PNISR: variants seen among roughly 807,000 people sequenced by gnomAD.
PNISR encodes arginine/serine-rich protein PNISR.
PNISR carries 20 observed loss-of-function variants against 93.4 expected under a neutral mutation model. The observed-to-expected ratio is 0.21, with a 90% CI of 0.15 to 0.31. PNISR has a LOEUF of 0.31. PNISR is among the 10% of genes least tolerant of loss of function. The probability of loss-of-function intolerance (pLI) is 1.00; values close to 1 mark genes in which losing one functional copy is unlikely to be tolerated. For missense variants in PNISR, 893 were observed against 985.4 expected (o/e 0.91, Z 1.25); for synonymous variants, 305 against 306.5 (o/e 0.99, Z 0.05).
chr6:99,421,265 C>G (rs1450937877), intron 1 of PNISR, among the ~76,000 whole-genome samples: 1 of 152,116 alleles, frequency 6.6e-6, no homozygotes, highest in Non-Finnish European at 1.5e-5. Context: ...AGGTTTGTAT[C>G]AGATCATCAA....
chr6:99,422,893 A>AAAAC (rs1554220009), intron 1 of PNISR, among the ~76,000 whole-genome samples: 2 of 145,226 alleles, frequency 1.4e-5, no homozygotes, highest in Non-Finnish European at 3.1e-5. Context: ...AAAAAAAAAA[A>AAAAC]AAAAAACTGG....
chr6:99,409,380 T>C (rs1156526621), intron 5 of PNISR, 36 bp from the exon 6 acceptor site: 4 of 1,583,294 alleles, frequency 2.5e-6, no homozygotes, highest in Non-Finnish European at 3.5e-6. Context: ...TTCTTCAAAT[T>C]AATACAATAT....
At chr6:99,420,204 A>G (rs1205128453) in intron 1 of PNISR, among the ~76,000 whole-genome samples, 2 of 152,162 alleles carry the variant, frequency 1.3e-5, no homozygotes, top group African/African-American at 4.8e-5. Flanking sequence ...CTTAAAAAGA[A>G]AAGGCCTCAA....
At chr6:99,421,761 A>G (rs1455141096) in intron 1 of PNISR, among the ~76,000 whole-genome samples, 3 of 152,210 alleles carry the variant, frequency 2.0e-5, no homozygotes, top group African/African-American at 7.2e-5. Context: ...TATCCCTAGA[A>G]AACTAATACA....
intron 9 of PNISR, 80 bp downstream of exon 9, chr6:99,404,523 A>C (rs1582773896): frequency 1.3e-6 from 1 of 778,366 alleles, no homozygotes; most frequent in East Asian, 2.5e-5. Flanking sequence ...AAATCCAACA[A>C]GGACAACAAA....
rs572142301 is a variant in PNISR at position 99,422,291 on chromosome 6, A to G, written c.-112+2924T>C. 2.6e-5 allele frequency among the ~76,000 whole-genome samples: 4 copies of G among 152,372 alleles called. No individual in the cohort carries two copies. The East Asian group carries it at 7.7e-4, about 29-fold the overall frequency. ...CAAAATCAAAGAGCTACAGAAACAC[A>G]TCTATCATTTGATGCATAGGATGAA... On this transcript the variant is annotated intron_variant, in intron 1 of 11. Coordinates refer to ENST00000369239, the MANE Select transcript of PNISR (RefSeq NM_032870.4).
chr6:99,402,795 T>C, intron 10 of PNISR, 85 bp from the exon 11 acceptor site: 1 of 1,029,294 alleles, frequency 9.7e-7, no homozygotes, highest in Non-Finnish European at 1.4e-6. Context: ...GAAAGTTCAT[T>C]TCTTTTTTCA....
In PNISR at chr6:99,400,963, C is replaced by T. The variant is rs1471287087; in HGVS notation, c.1995G>A (p.Arg665=). ...CTATACTTCGACTCCTCTCCTTTTTCCTCTCTTGTTCTTTAGCCTCACCTT... is the reference window on the plus strand; with the variant it reads ...CTATACTTCGACTCCTCTCCTTTTTTCTCTCTTGTTCTTTAGCCTCACCTT... ...KHKGEAKEQE[R]KKERSRSIDK... is the part of the protein sequence containing the mutation. Residue 665 remains arginine, a synonymous_variant, in exon 12 of 12, where the codon AGG becomes AGA. Transcript: ENST00000369239. 1 of 1,602,502 alleles carries T rather than the reference C, an allele frequency of 6.2e-7. No individual in the cohort carries two copies. Among genetic ancestry groups the T allele is most frequent in the Admixed American group, 1.7e-5 (1 of 59,638 alleles).
chr6:99,403,557 T>C, intron 10 of PNISR: 1 of 206,360 alleles, frequency 4.8e-6, no homozygotes, highest in Non-Finnish European at 9.7e-6. Context: ...ATTATATATA[T>C]ATAAAATGCA....
chr6:99,424,688 G>C (rs557003882), intron 1 of PNISR, among the ~76,000 whole-genome samples: 5 of 152,262 alleles, frequency 3.3e-5, no homozygotes, highest in Admixed American at 2.0e-4. Flanking sequence ...AATTTGTTCA[G>C]ATGACGATAC....
chr6:99,400,431 T>C lies in PNISR; in HGVS notation c.*109A>G. The C allele has an allele frequency of 7.1e-7, 1 of 1,400,014 alleles. No individual in the cohort carries two copies. Among genetic ancestry groups the C allele is most frequent in the Non-Finnish European group, 9.4e-7 (1 of 1,067,468 alleles). 86.7% of individuals were successfully genotyped at this position (1,400,014 alleles called of 1,614,324 possible). A position where few individuals can be genotyped will look rare whatever the true frequency, so the allele number is the denominator to read the frequency against. On this transcript the variant is annotated 3_prime_UTR_variant, in exon 12 of 12. Coordinates refer to ENST00000369239, the MANE Select transcript of PNISR (RefSeq NM_032870.4). ...TAACATTTAAGACTATGATTATTTA[T>C]CAAGTACCAAACTGAGTTTATTAAA...
Position 99,401,103 on chromosome 6 carries a change from T to C in PNISR, c.1855A>G (p.Ser619Gly), listed in dbSNP as rs1775429974. ...CGTCTATCCCTTGAGCGACTTCTACTTCTACGTCTCTCTCGGGAAGGACTC... is the reference window on the plus strand; with the variant it reads ...CGTCTATCCCTTGAGCGACTTCTACCTCTACGTCTCTCTCGGGAAGGACTC... ...NRSPSRERRRSRSRSRDRRTN... is the reference protein window; with the variant it reads ...NRSPSRERRRGRSRSRDRRTN... Residue 619 changes from serine to glycine, a missense_variant, in exon 12 of 12, where the codon AGT becomes GGT. Ser to Gly is a moderately conservative substitution (Grantham distance 56, BLOSUM62 0). Coordinates refer to ENST00000369239, the MANE Select transcript of PNISR (RefSeq NM_032870.4). 4 of 1,613,896 alleles carry C rather than the reference T, an allele frequency of 2.5e-6. No individual in the cohort carries two copies. Among genetic ancestry groups the C allele is most frequent in the Non-Finnish European group, 3.4e-6 (4 of 1,180,016 alleles).
rs1051526523 is a variant in PNISR at position 99,399,379 on chromosome 6, T to C, written c.*1161A>G. ...AACGGACAAAATCAGACAATTTTAA[T>C]GTCAGGAAATTGACACAAACCTGCA... On this transcript the variant is annotated 3_prime_UTR_variant, in exon 12 of 12. Coordinates refer to ENST00000369239, the MANE Select transcript of PNISR (RefSeq NM_032870.4). The C allele has an allele frequency of 6.6e-6, 1 of 152,146 alleles. No individual in the cohort carries two copies. Among genetic ancestry groups the C allele is most frequent in the African/African-American group, 2.4e-5 (1 of 41,466 alleles). The allele number at this position is 152,146 out of a possible 1,614,324, so 9.4% of individuals were successfully genotyped here.
Position 99,412,663 on chromosome 6 carries a change from T to C in PNISR, c.165A>G (p.Glu55=). 6.2e-7 allele frequency: 1 copy of C among 1,612,804 alleles called. No individual in the cohort carries two copies. The highest frequency in any genetic ancestry group is 8.5e-7 in the Non-Finnish European group (1 of 1,179,286). ...CATTTGGCATCATTCCTGGTGGTTG[T>C]TCTACCATGCTTTGCTGTCCTGAAG... ...REASGQQSMV[E]QPPGMMPNGQ... The change falls in exon 4 of 12, where the codon GAA becomes GAG. Residue 55 remains glutamate, a synonymous_variant. Transcript: ENST00000369239.
At position 99,409,226 on chromosome 6, in the gene PNISR, T is replaced by C; in HGVS notation, c.620A>G (p.Asp207Gly). The change falls in exon 6 of 12, where the codon GAT becomes GGT. Residue 207 changes from aspartate to glycine, a missense_variant. Physicochemically the swap from Asp to Gly is moderately conservative, Grantham distance 94. Coordinates refer to ENST00000369239, the MANE Select transcript of PNISR (RefSeq NM_032870.4). ...AAGTGCAATAGGTGAACGCTGACGA[T>C]CCCTGAATGATGATGGCCTTTCTCT... is the stretch of plus-strand genomic sequence containing the variant. ...NRRERPSSFRDRQRSPIALPV... is the reference protein window; with the variant it reads ...NRRERPSSFRGRQRSPIALPV... 1.2e-6 allele frequency: 2 copies of C among 1,614,002 alleles called. No homozygotes were observed. The highest frequency in any genetic ancestry group is 1.1e-5 in the South Asian group (1 of 91,074).
intron 6 of PNISR, 140 bp downstream of exon 6, chr6:99,409,033 G>T: frequency 1.5e-6 from 1 of 653,738 alleles, no homozygotes; most frequent in Non-Finnish European, 2.6e-6. Flanking sequence ...GTAATTTTAA[G>T]CTTTATGACC....
intron 7 of PNISR, among the ~76,000 whole-genome samples, chr6:99,407,260 C>T (rs761786079): frequency 1.3e-5 from 2 of 149,828 alleles, no homozygotes; most frequent in Non-Finnish European, 3.0e-5. Context: ...TTCAAGGCTA[C>T]GCTGAGCTAT....
In PNISR at chr6:99,408,109, C is replaced by A; in HGVS notation, c.836G>T (p.Gly279Val). ...TTTACTTCTCTGAGGTAAACGAGGG[C>A]CATCCCCTCCTTCAGCATCTTCTGT... Reference protein sequence around the residue: ...KATEDAEGGDGPRLPQRSKFD... With the variant: ...KATEDAEGGDVPRLPQRSKFD... The change falls in exon 7 of 12, where the codon GGC (glycine) becomes GTC (valine). Residue 279 changes from glycine (G) to valine (V), a missense_variant. By Grantham distance (109) the Gly-to-Val change is moderately radical (BLOSUM62 -3). Around this residue, in one of 3 missense-constraint regions of PNISR, gnomAD observed 866 missense variants for 935.1 expected, o/e 0.93. Coordinates refer to ENST00000369239, the MANE Select transcript of PNISR (RefSeq NM_032870.4). 6.3e-7 allele frequency: 1 copy of A among 1,579,880 alleles called. No individual in the cohort carries two copies. The highest frequency in any genetic ancestry group is 1.7e-5 in the Admixed American group (1 of 57,178).
At chr6:99,423,290 G>A (rs1472202007) in intron 1 of PNISR, among the ~76,000 whole-genome samples, 6 of 152,136 alleles carry the variant, frequency 3.9e-5, no homozygotes, top group Admixed American at 2.0e-4. Flanking sequence ...ACATCCACAA[G>A]CCCATAAGGA....
Sources: gnomAD v4.1 joint callset for allele counts (sites outside exome capture counted in the v4.1 genomes callset) on GRCh38, gnomAD v4.1.1 for gene constraint, gnomAD v4.1.1 regional missense constraint, MANE v1.5 for transcripts, NCBI Gene and HGNC (gene_info 2026-07-23, HGNC 2026-07-21) for gene names.